Variants in DPP10 observed in about 807,000 individuals in gnomAD.
DPP10 encodes the protein dipeptidyl peptidase like 10.
Under a neutral mutation model 120.9 loss-of-function variants are expected in DPP10, and 33 were observed. The ratio of observed to expected loss-of-function variants is 0.27; its 90% confidence interval spans 0.21 to 0.37. The LOEUF (loss-of-function observed/expected upper bound fraction) is 0.37, where lower values mean the gene tolerates loss of function less well. Ranked by LOEUF, DPP10 falls within the 10% of genes least tolerant of loss-of-function variation. The pLI is 1.00. For synonymous variants in DPP10, 337 were observed against 326.1 expected, an observed-to-expected ratio of 1.03 and a Z score of -0.36; for missense variants, 816 against 942.8, an observed-to-expected ratio of 0.87 and a Z score of 1.76.
chr2:115,324,833 C>T (rs1420363421), intron 2 of DPP10, among the ~76,000 whole-genome samples: 1 of 152,106 alleles, frequency 6.6e-6, no homozygotes, highest in Non-Finnish European at 1.5e-5. Flanking sequence ...AAGTGACAGA[C>T]ATTTGACTCT....
chr2:114,457,454 C>T (rs529795173), intron 1 of DPP10, among the ~76,000 whole-genome samples: 26 of 152,254 alleles, frequency 1.7e-4, no homozygotes, highest in African/African-American at 5.1e-4. Flanking sequence ...GAGGAAACTC[C>T]GGGACTAGGA....
intron 1 of DPP10, among the ~76,000 whole-genome samples, chr2:114,461,251 C>A (rs1052042953): frequency 1.3e-5 from 2 of 152,132 alleles, no homozygotes; most frequent in African/African-American, 4.8e-5. Flanking sequence ...AATTGGCTAC[C>A]CCTGCGAGCC....
At chr2:115,382,517 T>C (rs962947398) in intron 3 of DPP10, among the ~76,000 whole-genome samples, 5 of 152,350 alleles carry the variant, frequency 3.3e-5, no homozygotes, top group African/African-American at 1.2e-4. Flanking sequence ...ATCACTGGTC[T>C]TCTGCATCTC....
intron 1 of DPP10, among the ~76,000 whole-genome samples, chr2:114,804,482 G>A (rs918443127): frequency 6.6e-6 from 1 of 152,184 alleles, no homozygotes; most frequent in African/African-American, 2.4e-5. Flanking sequence ...GCCTGGGAAA[G>A]CAGCCAGGAG....
chr2:115,592,049 C>T (rs2082696271), intron 5 of DPP10, among the ~76,000 whole-genome samples: 1 of 152,090 alleles, frequency 6.6e-6, no homozygotes, highest in South Asian at 2.1e-4. Context: ...CCCCTACCTA[C>T]TAAAGGGGGT....
intron 3 of DPP10, among the ~76,000 whole-genome samples, chr2:115,380,473 T>A (rs1183538316): frequency 6.6e-6 from 1 of 152,204 alleles, no homozygotes; most frequent in Non-Finnish European, 1.5e-5. Flanking sequence ...GTTTCCTGAA[T>A]ACAGCACACT....
rs910409181 is a variant in DPP10, at chr2:115,646,782, T to C, written c.442-42905T>C. Among the ~76,000 whole-genome samples, 21 of 152,320 alleles carry C rather than the reference T, an allele frequency of 1.4e-4. 1 individual carries two copies. The highest frequency in any genetic ancestry group is 4.8e-4 in the African/African-American group (20 of 41,578). On this transcript the variant is annotated intron_variant, in intron 5 of 25. Transcript: ENST00000410059. ...AATTTCCTTCTCTTTAAATTGATGA[T>C]TTTGATGATTCTGAATTGTACCACT...
At chr2:114,453,259 T>C (rs1678385035) in intron 1 of DPP10, among the ~76,000 whole-genome samples, 3 of 152,214 alleles carry the variant, frequency 2.0e-5, no homozygotes, top group Admixed American at 6.5e-5. Context: ...TAATTTAAAA[T>C]ATAACATTGT....
intron 1 of DPP10, among the ~76,000 whole-genome samples, chr2:114,974,484 T>A (rs2104812031): frequency 6.6e-6 from 1 of 151,624 alleles, no homozygotes; most frequent in East Asian, 2.0e-4. Flanking sequence ...GTGGCAAGAT[T>A]TCTGCACACT....
At chr2:115,579,862 G>C (rs1336408711) in intron 5 of DPP10, 1 of 152,060 alleles carries the variant, frequency 6.6e-6, no homozygotes, top group Non-Finnish European at 1.5e-5. Flanking sequence ...AGGAAGTGCA[G>C]GTTCATTACA....
At chr2:114,853,494 A>G (rs1369537448) in intron 1 of DPP10, among the ~76,000 whole-genome samples, 1 of 151,998 alleles carries the variant, frequency 6.6e-6, no homozygotes, top group East Asian at 1.9e-4. Flanking sequence ...CCCATGGCCC[A>G]TGCACTATTA....
chr2:114,555,472 A>G (rs571214201), intron 1 of DPP10, among the ~76,000 whole-genome samples: 47 of 152,310 alleles, frequency 3.1e-4, no homozygotes, highest in African/African-American at 1.1e-3. Context: ...TAATGTGGAT[A>G]AGAAATAACT....
chr2:115,000,319 G>A (rs755153271), intron 1 of DPP10, among the ~76,000 whole-genome samples: 2 of 151,978 alleles, frequency 1.3e-5, no homozygotes, highest in Non-Finnish European at 2.9e-5. Flanking sequence ...AAACAAACAC[G>A]CATAAAAAAT....
At chr2:115,001,536 C>A (rs1701438113) in intron 1 of DPP10, among the ~76,000 whole-genome samples, 1 of 152,024 alleles carries the variant, frequency 6.6e-6, no homozygotes, top group Non-Finnish European at 1.5e-5. Flanking sequence ...CACTGAAAGT[C>A]CCCGACAGAG....
At chr2:114,537,796 C>A (rs934662683) in intron 1 of DPP10, among the ~76,000 whole-genome samples, 13 of 152,184 alleles carry the variant, frequency 8.5e-5, no homozygotes, top group African/African-American at 2.7e-4. Context: ...TAGCTAGTGG[C>A]AGCTTTGGAG....
At chr2:114,640,795 C>A (rs764994289) in intron 1 of DPP10, among the ~76,000 whole-genome samples, 7 of 151,890 alleles carry the variant, frequency 4.6e-5, no homozygotes, top group Non-Finnish European at 1.0e-4. Context: ...CTAAGCTTTC[C>A]TTCTTGGTAT....
At chr2:115,824,484 C>A (rs556827854) in intron 21 of DPP10, among the ~76,000 whole-genome samples, 6 of 151,954 alleles carry the variant, frequency 3.9e-5, no homozygotes, top group East Asian at 1.9e-4. Context: ...GCCCCACCCC[C>A]CAACAGGCAC....
chr2:115,660,452 A>G (rs965146303), intron 5 of DPP10, among the ~76,000 whole-genome samples: 1 of 152,168 alleles, frequency 6.6e-6, no homozygotes, highest in Non-Finnish European at 1.5e-5. Flanking sequence ...AATTGTATAA[A>G]TATCTCCAGG....
chr2:115,434,579 T>C (rs861492), intron 3 of DPP10, among the ~76,000 whole-genome samples: 4,685 of 151,024 alleles, frequency 0.031, 241 homozygotes, highest in African/African-American at 0.11. Context: ...GTACATATTT[T>C]GGAGGTACGT....
Sources: allele counts gnomAD v4.1 joint callset (sites outside exome capture counted in the v4.1 genomes callset), GRCh38; gene constraint gnomAD v4.1.1; transcripts MANE v1.5; gene names NCBI Gene and HGNC (gene_info 2026-07-23, HGNC 2026-07-21).